The following GPKOW variants were observed in gnomAD, a reference collection of about 807,000 sequenced individuals.
GPKOW encodes G-patch domain and KOW motifs-containing protein.
For synonymous variants in GPKOW, 167 were observed against 159.1 expected, an observed-to-expected ratio of 1.05 and a Z score of -0.37; for missense variants, 359 against 404.7, an observed-to-expected ratio of 0.89 and a Z score of 0.97.
At chrX:49,118,738 CAAAAAAAAAAAA>C (rs781915104) in intron 4 of GPKOW, among the ~76,000 whole-genome samples, 5 of 6,834 alleles carry the variant, frequency 7.3e-4, no homozygotes, top group East Asian at 0.016. Context: ...GACTCCATCT[CAAAAAAAAAAAA>C]AAAAAAAAAA....
Position 49,122,430 on chromosome X carries a change from C to T in GPKOW, c.424G>A (p.Glu142Lys). ...GCCCGGGGTTCGCTGTCTGCCCCTT[C>T]CCCGCTGGGGGTGCATCCTTTCTGG... ...MIQKGCTPSG[E>K]GADSEPRAET... Residue 142 changes from glutamate to lysine, a missense_variant, in exon 3 of 11, where the codon GAA becomes AAA. By Grantham distance (56) the Glu-to-Lys change is moderately conservative. Coordinates refer to ENST00000156109, the MANE Select transcript of GPKOW (RefSeq NM_015698.6). 4.2e-6 allele frequency: 5 copies of T among 1,181,130 alleles called. No homozygotes were observed. Among genetic ancestry groups the T allele is most frequent in the Non-Finnish European group, 5.7e-6 (5 of 881,793 alleles).
At chrX:49,113,993 G>A (rs1414769107) in intron 9 of GPKOW, 55 bp from the exon 10 acceptor site, 7 of 879,364 alleles carry the variant, frequency 8.0e-6, no homozygotes, top group South Asian at 4.1e-5. Flanking sequence ...CCCAACCAGC[G>A]TCCTGTCAGA....
chrX:49,113,627 A>G lies in GPKOW; in HGVS notation c.1425T>C (p.Asp475=). ...ATGGGAGGAGTCCCATGGGTCAGTC[A>G]TCATCTGTGTCACTAGGGCCCATGT... ...CQYMGPSDTD[D]D The change falls in exon 11 of 11, where the codon GAT becomes GAC. Residue 475 remains aspartate, a synonymous_variant. Transcript: ENST00000156109. 8.3e-7 allele frequency: 1 copy of G among 1,210,126 alleles called. No homozygotes were observed. Among genetic ancestry groups the G allele is most frequent in the Non-Finnish European group, 1.1e-6 (1 of 894,252 alleles).
At chrX:49,122,356 A>G in intron 3 of GPKOW, 42 bp downstream of exon 3, 1 of 1,091,528 alleles carries the variant, frequency 9.2e-7, no homozygotes, top group African/African-American at 1.9e-5. Flanking sequence ...CGGACAGGGC[A>G]AAGAAAGGCT....
rs1557090237 is a variant in GPKOW at position 49,116,216 on chromosome X, C to T, written c.1016+5G>A. 6 of 1,178,163 alleles carry T rather than the reference C, an allele frequency of 5.1e-6. No individual in the cohort carries two copies. Among genetic ancestry groups the T allele is most frequent in the Non-Finnish European group, 6.9e-6 (6 of 864,840 alleles). Reference sequence around the variant, plus strand: ...TTGACCCCTCCCGCATGCTCAGAGTCCCACCGGTCTGGAAGGTGTTTCCGC... The same window carrying T: ...TTGACCCCTCCCGCATGCTCAGAGTTCCACCGGTCTGGAAGGTGTTTCCGC... On this transcript the variant is annotated splice_donor_5th_base_variant and intron_variant, in intron 7 of 10. Transcript: ENST00000156109.
chrX:49,119,912 C>A, intron 3 of GPKOW, 98 bp from the exon 4 acceptor site: 1 of 490,712 alleles, frequency 2.0e-6, no homozygotes, highest in East Asian at 3.7e-5. Flanking sequence ...ACCTGCTACG[C>A]GTCTTTTCCA....
chrX:49,114,669 G>A (rs1417783141), intron 9 of GPKOW, among the ~76,000 whole-genome samples: 1 of 100,915 alleles, frequency 9.9e-6, no homozygotes, highest in Admixed American at 1.1e-4. Context: ...GCTCATGCCT[G>A]TAATCCCAGC....
In GPKOW at chrX:49,123,585, C is replaced by T; in HGVS notation, c.138G>A (p.Lys46=). Residue 46 remains lysine (K), a synonymous_variant, in exon 1 of 11, where the codon AAG becomes AAA. Transcript: ENST00000156109. ...GDGAGPSPEE[K]DFLKTVEGRE... Reference sequence around the variant, plus strand: ...TCCCTTCCACGGTTTTCAAGAAATCCTTCTCCTCCGGAGATGGCCCCGCGC... The same window carrying T: ...TCCCTTCCACGGTTTTCAAGAAATCTTTCTCCTCCGGAGATGGCCCCGCGC... The T allele has an allele frequency of 8.3e-7, 1 of 1,209,630 alleles. No homozygotes were observed. The highest frequency in any genetic ancestry group is 1.1e-6 in the Non-Finnish European group (1 of 894,551).
chrX:49,123,016 T>G (rs2065219162), intron 1 of GPKOW, among the ~76,000 whole-genome samples: 1 of 111,467 alleles, frequency 9.0e-6, no homozygotes, highest in Admixed American at 9.6e-5. Flanking sequence ...TCTGTTTAAC[T>G]CAATACCGGC....
Position 49,119,801 on chromosome X carries a change from G to A in GPKOW, c.470C>T (p.Ala157Val), listed in dbSNP as rs1557090823. 3.4e-6 allele frequency: 4 copies of A among 1,164,774 alleles called. No individual in the cohort carries two copies. The South Asian group carries it at 7.3e-5, about 21-fold the overall frequency. ...CTCCACGGGGACCGCCTCATAATTA[G>A]CCTCCTCTGGCACCTACAGGTTCAG... ...EPRAETVPEE[A>V]NYEAVPVEAY... Residue 157 changes from alanine (A) to valine (V), a missense_variant, in exon 4 of 11, where the codon GCT becomes GTT. By Grantham distance (64) the Ala-to-Val change is moderately conservative. Transcript: ENST00000156109.
chrX:49,114,060 G>A (rs1183391477), intron 9 of GPKOW, 122 bp from the exon 10 acceptor site: 2 of 489,042 alleles, frequency 4.1e-6, no homozygotes, highest in Non-Finnish European at 7.2e-6. Context: ...CACTTTGGGA[G>A]GCTAAGTTGG....
chrX:49,117,541 C>T (rs2065197610), intron 5 of GPKOW, 56 bp downstream of exon 5: 16 of 882,110 alleles, frequency 1.8e-5, no homozygotes, highest in Non-Finnish European at 2.5e-5. Flanking sequence ...ATCTGACCCT[C>T]GGATCAACCT....
rs782187621 is a variant in GPKOW, at chrX:49,122,793, G to A, written c.177-17C>T. 10 of 1,195,540 alleles carry A rather than the reference G, an allele frequency of 8.4e-6. No individual in the cohort carries two copies. Among genetic ancestry groups the A allele is most frequent in the Non-Finnish European group, 1.1e-5 (10 of 883,637 alleles). On this transcript the variant is annotated splice_polypyrimidine_tract_variant and intron_variant, in intron 1 of 10. Coordinates refer to ENST00000156109, the MANE Select transcript of GPKOW (RefSeq NM_015698.6). ...GGCTTCACACTGATGTGGACACAGA[G>A]GGGTGGGGTTGGGAGAATGGCAGGG...
chrX:49,118,766 A>AAAAAG (rs2065203054), intron 4 of GPKOW, among the ~76,000 whole-genome samples: 1 of 99,904 alleles, frequency 1.0e-5, no homozygotes, highest in African/African-American at 3.9e-5. Context: ...AAAAAAAAAA[A>AAAAAG]CGCCAATTCA....
At chrX:49,114,081 T>C in intron 9 of GPKOW, 143 bp from the exon 10 acceptor site, 1 of 456,439 alleles carries the variant, frequency 2.2e-6, no homozygotes, top group Non-Finnish European at 3.9e-6. Context: ...GAGGATCGCT[T>C]GAGCCCAGGA....
rs782759621 is a variant in GPKOW at position 49,117,140 on chromosome X, T to C, written c.803A>G (p.Asn268Ser). 1.2e-5 allele frequency: 14 copies of C among 1,208,705 alleles called. No individual in the cohort carries two copies. Among genetic ancestry groups the C allele is most frequent in the East Asian group, 3.0e-5 (1 of 33,721 alleles). ...AGCCAGACGAACCATGGCCCGAACATTGTCAGGATCAAGGCCTTCCACCTA... is the reference window on the plus strand; with the variant it reads ...AGCCAGACGAACCATGGCCCGAACACTGTCAGGATCAAGGCCTTCCACCTA... ...YGKVEGLDPD[N>S]VRAMVRLAVG... The change falls in exon 6 of 11, where the codon AAT (asparagine) becomes AGT (serine). Residue 268 changes from asparagine (N) to serine (S), a missense_variant. Coordinates refer to ENST00000156109, the MANE Select transcript of GPKOW (RefSeq NM_015698.6).
At position 49,116,315 on chromosome X, in the gene GPKOW, T is replaced by C; in HGVS notation, c.922A>G (p.Asn308Asp). The change falls in exon 7 of 11, where the codon AAC becomes GAC. Residue 308 changes from asparagine (N) to aspartate (D), a missense_variant. Asn to Asp is a conservative substitution (Grantham distance 23). Coordinates refer to ENST00000156109, the MANE Select transcript of GPKOW (RefSeq NM_015698.6). ...GTCTTCCGTGATGAGGCAGTTCCGT[T>C]CTGTTGCCCTGGGGAAGGAAGTTTT... ...DKNTLDLRQQ[N>D]GTASSRKTLW... The C allele has an allele frequency of 8.5e-7, 1 of 1,183,367 alleles. No individual in the cohort carries two copies. The highest frequency in any genetic ancestry group is 1.1e-6 in the Non-Finnish European group (1 of 870,137).
Position 49,117,160 on chromosome X carries a change from C to A in GPKOW, c.783G>T (p.Val261=). ...GAACATTGTCAGGATCAAGGCCTTCCACCTAAAGTGTTGAGGGGAAGAAGT... is the reference window on the plus strand; with the variant it reads ...GAACATTGTCAGGATCAAGGCCTTCAACCTAAAGTGTTGAGGGGAAGAAGT... ...SGPHRGLYGK[V]EGLDPDNVRA... The change falls in exon 6 of 11, where the codon GTG becomes GTT. Residue 261 remains valine (V), a splice_region_variant and synonymous_variant. Transcript: ENST00000156109. 1.7e-6 allele frequency: 2 copies of A among 1,210,755 alleles called. No homozygotes were observed. The highest frequency in any genetic ancestry group is 5.9e-5 in the East Asian group (2 of 33,815).
rs1439249728 is a variant in GPKOW, at chrX:49,116,210, C to G, written c.1016+11G>C. On this transcript the variant is annotated intron_variant, in intron 7 of 10. Coordinates refer to ENST00000156109, the MANE Select transcript of GPKOW (RefSeq NM_015698.6). Reference sequence around the variant, plus strand: ...GCCTTCTTGACCCCTCCCGCATGCTCAGAGTCCCACCGGTCTGGAAGGTGT... The same window carrying G: ...GCCTTCTTGACCCCTCCCGCATGCTGAGAGTCCCACCGGTCTGGAAGGTGT... 2 of 1,164,040 alleles carry G rather than the reference C, an allele frequency of 1.7e-6. No homozygotes were observed. The highest frequency in any genetic ancestry group is 3.6e-5 in the African/African-American group (2 of 56,321).
Sources: allele counts gnomAD v4.1 joint callset (sites outside exome capture counted in the v4.1 genomes callset), GRCh38; gene constraint gnomAD v4.1.1; transcripts MANE v1.5; gene names NCBI Gene and HGNC (gene_info 2026-07-23, HGNC 2026-07-21).